Variants in DENND1A observed in about 807,000 individuals in gnomAD.
DENND1A encodes the protein DENN domain-containing protein 1A.
A neutral mutation model predicts 113.7 loss-of-function variants in DENND1A; 51 were observed. The observed-to-expected ratio is 0.45, with a 90% CI of 0.36 to 0.57. The LOEUF is 0.57. DENND1A is among the 20% of genes least tolerant of loss of function. The pLI is 0.00. For missense variants in DENND1A, 1,258 were observed against 1,395.9 expected, an observed-to-expected ratio of 0.90 and a Z score of 1.57; for synonymous variants, 565 against 570.8, an observed-to-expected ratio of 0.99 and a Z score of 0.14.
chr9:123,520,147 CAAAAAAAAAAAAAA>C (rs777054330), intron 13 of DENND1A, among the ~76,000 whole-genome samples: 2 of 37,298 alleles, frequency 5.4e-5, no homozygotes, highest in African/African-American at 1.6e-4. Flanking sequence ...GATCCTGTCT[CAAAAAAAAAAAAAA>C]AAAAAAAAAA....
At chr9:123,391,603 T>C (rs1416211149) in intron 21 of DENND1A, among the ~76,000 whole-genome samples, 1 of 152,076 alleles carries the variant, frequency 6.6e-6, no homozygotes. Context: ...TGTTTCCTCT[T>C]TTACTTTTAA....
intron 21 of DENND1A, among the ~76,000 whole-genome samples, chr9:123,388,246 T>C (rs1219434616): frequency 6.6e-6 from 1 of 152,196 alleles, no homozygotes; most frequent in East Asian, 1.9e-4. Flanking sequence ...AAACGTAATG[T>C]TTATGAAGAC....
chr9:123,612,948 C>T (rs1045603837), intron 10 of DENND1A, among the ~76,000 whole-genome samples: 1 of 152,158 alleles, frequency 6.6e-6, no homozygotes, highest in African/African-American at 2.4e-5. Context: ...CACCATTGGA[C>T]CCACTCTCCT....
At chr9:123,821,914 C>T (rs1838544238) in intron 2 of DENND1A, among the ~76,000 whole-genome samples, 1 of 152,166 alleles carries the variant, frequency 6.6e-6, no homozygotes, top group African/African-American at 2.4e-5. Flanking sequence ...ATGATTAATG[C>T]TGAGAAAATC....
At chr9:123,890,081 CAT>C (rs762322778) in intron 1 of DENND1A, among the ~76,000 whole-genome samples, 1 of 152,272 alleles carries the variant, frequency 6.6e-6, no homozygotes, top group Admixed American at 6.5e-5. Context: ...TTAGAACTCA[CAT>C]ATGTTTCTGA....
intron 5 of DENND1A, among the ~76,000 whole-genome samples, chr9:123,695,865 T>C (rs1194206676): frequency 1.3e-5 from 2 of 151,922 alleles, no homozygotes; most frequent in East Asian, 1.9e-4. Flanking sequence ...CATTAGAAGA[T>C]AATTTTATAG....
At chr9:123,891,086 C>A (rs1291001375) in intron 1 of DENND1A, among the ~76,000 whole-genome samples, 1 of 152,104 alleles carries the variant, frequency 6.6e-6, no homozygotes, top group Non-Finnish European at 1.5e-5. Flanking sequence ...ACAGTGAGCT[C>A]AGGTTCTCAG....
chr9:123,827,392 A>AATATATATATATAT (rs56805562), intron 2 of DENND1A, among the ~76,000 whole-genome samples: 14 of 140,788 alleles, frequency 9.9e-5, no homozygotes, highest in African/African-American at 3.4e-4. Context: ...ATGGATATAT[A>AATATATATATATAT]ATATATATAT....
rs190408191 is a variant in DENND1A at position 123,679,669 on chromosome 9, A to G, written c.303-2880T>C. ...CCCCTGTTGGGAGGCCAGGGTTCAC[A>G]GCGGAGCTCTATCCAGCGGCGTTTC... is the stretch of plus-strand genomic sequence containing the variant. On this transcript the variant is annotated intron_variant, in intron 5 of 23. Transcript: ENST00000394215. 4.2e-3 allele frequency among the ~76,000 whole-genome samples: 636 copies of G among 152,310 alleles called. 5 individuals are homozygous for G. Among genetic ancestry groups the G allele is most frequent in the Non-Finnish European group, 7.3e-3 (498 of 68,026 alleles).
intron 5 of DENND1A, among the ~76,000 whole-genome samples, chr9:123,689,557 C>T (rs2140353963): frequency 6.6e-6 from 1 of 152,338 alleles, no homozygotes; most frequent in Non-Finnish European, 1.5e-5. Context: ...TGCACACACA[C>T]ACTTCTCTAA....
chr9:123,903,060 C>T (rs1046071090), intron 1 of DENND1A, among the ~76,000 whole-genome samples: 5 of 151,932 alleles, frequency 3.3e-5, no homozygotes, highest in African/African-American at 7.3e-5. Flanking sequence ...AGGCCGGGCG[C>T]GGTGGCTCAC....
At chr9:123,541,565 T>C (rs1250204224) in intron 13 of DENND1A, among the ~76,000 whole-genome samples, 1 of 152,192 alleles carries the variant, frequency 6.6e-6, no homozygotes, top group East Asian at 1.9e-4. Context: ...TTATGAATAA[T>C]GCCAGTGAGC....
At chr9:123,407,727 A>G (rs577091546) in intron 20 of DENND1A, among the ~76,000 whole-genome samples, 1 of 152,272 alleles carries the variant, frequency 6.6e-6, no homozygotes, top group African/African-American at 2.4e-5. Flanking sequence ...AGCTCTGTTC[A>G]AGGGGGACTG....
chr9:123,792,509 TA>T, intron 3 of DENND1A, 77 bp downstream of exon 3: 1 of 1,437,962 alleles, frequency 7.0e-7, no homozygotes, highest in Non-Finnish European at 9.6e-7. Flanking sequence ...TCTCTTTCAG[TA>T]AAAAGAACAG....
chr9:123,509,182 A>C (rs11999005), intron 13 of DENND1A, among the ~76,000 whole-genome samples: 7,017 of 152,278 alleles, frequency 0.046, 538 homozygotes, highest in African/African-American at 0.16. Flanking sequence ...GAGCAGCTGC[A>C]AAATTAAGAT....
intron 3 of DENND1A, among the ~76,000 whole-genome samples, chr9:123,779,155 T>A (rs972255641): frequency 2.0e-5 from 3 of 151,790 alleles, no homozygotes; most frequent in Non-Finnish European, 4.4e-5. Flanking sequence ...CAATTTGGGG[T>A]TTGTTTGGCT....
At chr9:123,751,745 G>T (rs1219345422) in intron 5 of DENND1A, 1 of 151,938 alleles carries the variant, frequency 6.6e-6, no homozygotes, top group Admixed American at 6.6e-5. Flanking sequence ...TCATTTCTTG[G>T]GGACTTTGTG....
At chr9:123,722,659 A>G (rs1234831906) in intron 5 of DENND1A, among the ~76,000 whole-genome samples, 1 of 152,212 alleles carries the variant, frequency 6.6e-6, no homozygotes, top group Non-Finnish European at 1.5e-5. Context: ...GTTGCTTCAT[A>G]GGGTGGAAGC....
At chr9:123,721,672 T>A (rs1309662212) in intron 5 of DENND1A, among the ~76,000 whole-genome samples, 1 of 152,226 alleles carries the variant, frequency 6.6e-6, no homozygotes, top group African/African-American at 2.4e-5. Context: ...ATCAGTCTCA[T>A]GAGATCTAAT....
Sources: allele counts gnomAD v4.1 joint callset (sites outside exome capture counted in the v4.1 genomes callset), GRCh38; gene constraint gnomAD v4.1.1; transcripts MANE v1.5; gene names NCBI Gene and HGNC (gene_info 2026-07-23, HGNC 2026-07-21).